The following THSD7B variants were observed in gnomAD, a reference collection of about 807,000 sequenced individuals.
THSD7B encodes the protein thrombospondin type 1 domain containing 7B.
THSD7B carries 138 observed loss-of-function variants against 213.6 expected under a neutral mutation model. The observed-to-expected ratio is 0.65, with a 90% confidence interval of 0.56 to 0.74. THSD7B has a LOEUF of 0.74. THSD7B is among the 30% of genes least tolerant of loss of function. THSD7B has a pLI of 0.00. For synonymous variants in THSD7B, 742 were observed against 687.0 expected (o/e 1.08, Z -1.25); for missense variants, 1,931 against 1,991.5 (o/e 0.97, Z 0.58).
At chr2:136,901,434 A>G (rs1684061485) in intron 2 of THSD7B, among the ~76,000 whole-genome samples, 2 of 152,234 alleles carry the variant, frequency 1.3e-5, no homozygotes, top group Non-Finnish European at 2.9e-5. Context: ...AATTTTTTAA[A>G]AGCTCTAGAA....
rs555279925 is a variant in THSD7B at position 136,794,545 on chromosome 2, G to A, written c.-36+28858G>A. Among the ~76,000 whole-genome samples the A allele has an allele frequency of 2.0e-5, 3 of 151,800 alleles. No individual in the cohort carries two copies. The South Asian group carries it at 6.2e-4, about 32-fold the overall frequency. On this transcript the variant is annotated intron_variant, in intron 1 of 27. Coordinates refer to ENST00000409968, the MANE Select transcript of THSD7B (RefSeq NM_001316349.2). Reference sequence around the variant, plus strand: ...TTTTATTTCTAAATCAATTCCGCTGGGGGCAGAGTGCATAATCTGTATGAT... The same window carrying A: ...TTTTATTTCTAAATCAATTCCGCTGAGGGCAGAGTGCATAATCTGTATGAT...
At chr2:137,597,512 A>G in intron 17 of THSD7B, among the ~76,000 whole-genome samples, 1 of 151,834 alleles carries the variant, frequency 6.6e-6, no homozygotes, top group East Asian at 1.9e-4. Context: ...TATCACTACA[A>G]TAAAATTTAC....
chr2:137,296,566 A>T (rs1683468511), intron 12 of THSD7B, among the ~76,000 whole-genome samples: 1 of 152,182 alleles, frequency 6.6e-6, no homozygotes, highest in Non-Finnish European at 1.5e-5. Flanking sequence ...CATAATGCAG[A>T]TAGGATCTTA....
chr2:136,881,199 G>A (rs1417461164), intron 1 of THSD7B, among the ~76,000 whole-genome samples: 1 of 152,118 alleles, frequency 6.6e-6, no homozygotes. Flanking sequence ...GGAACTAGTT[G>A]CCTTGTCCTC....
chr2:137,019,424 C>T (rs760849390), intron 2 of THSD7B, among the ~76,000 whole-genome samples: 11 of 152,334 alleles, frequency 7.2e-5, no homozygotes, highest in African/African-American at 2.6e-4. Flanking sequence ...CACGGAATAA[C>T]TTCCAACTCC....
chr2:137,216,483 C>G (rs1681246005), intron 7 of THSD7B, among the ~76,000 whole-genome samples: 1 of 152,018 alleles, frequency 6.6e-6, no homozygotes, highest in Non-Finnish European at 1.5e-5. Flanking sequence ...TTTAGGTACA[C>G]TGATGAATAA....
chr2:136,833,900 G>T (rs146080166), intron 1 of THSD7B, among the ~76,000 whole-genome samples: 3 of 152,210 alleles, frequency 2.0e-5, no homozygotes, highest in African/African-American at 7.2e-5. Context: ...TTCACTAAAA[G>T]TTTCACTCAT....
At chr2:136,974,730 G>A (rs6757835) in intron 2 of THSD7B, among the ~76,000 whole-genome samples, 59,339 of 152,010 alleles carry the variant, frequency 0.39, 13,121 homozygotes, top group East Asian at 0.66. Flanking sequence ...TGAGATTGCT[G>A]GGCCAAATGA....
At chr2:137,538,383 T>C in intron 15 of THSD7B, 1 of 449,254 alleles carries the variant, frequency 2.2e-6, no homozygotes, top group Admixed American at 2.7e-5. Context: ...GGGGAAAGGA[T>C]TTCTACTTTT....
chr2:137,235,869 G>A (rs1488325486), intron 9 of THSD7B, among the ~76,000 whole-genome samples: 2 of 152,122 alleles, frequency 1.3e-5, no homozygotes, highest in Non-Finnish European at 2.9e-5. Flanking sequence ...TTTCTGTACT[G>A]TTAATGAGGC....
At chr2:137,576,795 ACC>A (rs5834564) in intron 17 of THSD7B, among the ~76,000 whole-genome samples, 49 of 128,422 alleles carry the variant, frequency 3.8e-4, no homozygotes, top group African/African-American at 9.0e-4. Flanking sequence ...TAAGAAAAAC[ACC>A]CCCCCCCCTT....
At chr2:137,286,568 C>T (rs959145861) in intron 12 of THSD7B, among the ~76,000 whole-genome samples, 1 of 152,140 alleles carries the variant, frequency 6.6e-6, no homozygotes, top group Admixed American at 6.6e-5. Flanking sequence ...TCTGCCGTAG[C>T]CATCTACCTA....
intron 1 of THSD7B, among the ~76,000 whole-genome samples, chr2:136,781,622 T>A (rs1681745547): frequency 6.6e-6 from 1 of 152,012 alleles, no homozygotes; most frequent in African/African-American, 2.4e-5. Flanking sequence ...AGCTCCCTCC[T>A]GCTACTCTAC....
chr2:137,029,187 T>G (rs1168503354), intron 2 of THSD7B, among the ~76,000 whole-genome samples: 2 of 151,034 alleles, frequency 1.3e-5, no homozygotes, highest in Non-Finnish European at 2.9e-5. Context: ...CAAGCAATTC[T>G]CCTGCCTCAG....
In THSD7B at chr2:137,231,240, G is replaced by C; in HGVS notation, c.1915+5G>C. 1 of 1,598,482 alleles carries C rather than the reference G, an allele frequency of 6.3e-7. No homozygotes were observed. The highest frequency in any genetic ancestry group is 8.5e-7 in the Non-Finnish European group (1 of 1,171,370). On this transcript the variant is annotated splice_donor_5th_base_variant and intron_variant, in intron 8 of 27. Transcript: ENST00000409968. The stretch of plus-strand genomic sequence containing the variant: ...TCCTGGCACTGGCTGGGGAAGGTGA[G>C]TAACAGAAAAGGTTTTCACTTTGGA...
intron 1 of THSD7B, among the ~76,000 whole-genome samples, chr2:136,773,113 C>T (rs1401917630): frequency 2.6e-5 from 4 of 151,786 alleles, no homozygotes; most frequent in East Asian, 1.9e-4. Flanking sequence ...GTGAGTTGCC[C>T]GTCTTTGGGA....
At chr2:137,176,952 T>C (rs1038293892) in intron 7 of THSD7B, among the ~76,000 whole-genome samples, 1 of 152,230 alleles carries the variant, frequency 6.6e-6, no homozygotes, top group Non-Finnish European at 1.5e-5. Flanking sequence ...AGTTTCATTA[T>C]GACACAGCTC....
chr2:137,541,992 C>T (rs553987964), intron 15 of THSD7B, among the ~76,000 whole-genome samples: 3 of 151,016 alleles, frequency 2.0e-5, no homozygotes, highest in East Asian at 3.9e-4. Context: ...ATTCACATCA[C>T]GGGAGTCCCG....
intron 12 of THSD7B, among the ~76,000 whole-genome samples, chr2:137,374,096 A>G (rs904889556): frequency 2.0e-5 from 3 of 147,284 alleles, no homozygotes; most frequent in Non-Finnish European, 3.0e-5. Flanking sequence ...ATACTCTTTA[A>G]CCTCTAGTCT....
Sources: gnomAD v4.1 joint callset for allele counts (sites outside exome capture counted in the v4.1 genomes callset) on GRCh38, gnomAD v4.1.1 for gene constraint, MANE v1.5 for transcripts, NCBI Gene and HGNC (gene_info 2026-07-23, HGNC 2026-07-21) for gene names.